DDX60: variants seen among roughly 807,000 people sequenced by gnomAD.
DDX60 encodes probable ATP-dependent RNA helicase DDX60.
In DDX60, 165 loss-of-function variants were observed where a neutral mutation model predicts 212.8. That is an observed-to-expected ratio of 0.78 (90% CI 0.68 to 0.88). The LOEUF is 0.88. Ranked by LOEUF, DDX60 falls within the 40% of genes least tolerant of loss-of-function variation. The pLI is 0.00. For synonymous variants in DDX60, 703 were observed against 685.3 expected, an observed-to-expected ratio of 1.03 and a Z score of -0.40; for missense variants, 1,905 against 2,003.9, an observed-to-expected ratio of 0.95 and a Z score of 0.94.
In DDX60 at chr4:168,246,630, A is replaced by G. The variant is rs1440120638; in HGVS notation, c.3964-12T>C. 1.2e-6 allele frequency: 2 copies of G among 1,613,470 alleles called. No homozygotes were observed. The highest frequency in any genetic ancestry group is 2.2e-5 in the East Asian group (1 of 44,860). On this transcript the variant is annotated splice_polypyrimidine_tract_variant and intron_variant, in intron 29 of 37. Transcript: ENST00000393743. ...GCACGGCCAGACATCTGAAAAGAGA[A>G]TAGAATTACAATGTAAAACTTCCCT... is the stretch of plus-strand genomic sequence containing the variant.
rs186564603 is a variant in DDX60, at chr4:168,291,768, T to C, written c.1021A>G (p.Met341Val). 6.3e-7 allele frequency: 1 copy of C among 1,595,258 alleles called. No homozygotes were observed. Among genetic ancestry groups the C allele is most frequent in the South Asian group, 1.1e-5 (1 of 87,398 alleles). Residue 341 changes from methionine (M) to valine (V), a missense_variant, in exon 8 of 38, where the codon ATG becomes GTG. Met to Val is a conservative substitution (Grantham distance 21). Transcript: ENST00000393743. ...RVITSHWAEDMKPLLQMKKWC... is the reference protein window; with the variant it reads ...RVITSHWAEDVKPLLQMKKWC... ...TTTACCATTTGTAATAAAGGCTTCA[T>C]GTCCTCAGCCCAATGGGAAGTGATG... is the stretch of plus-strand genomic sequence containing the variant.
chr4:168,308,959 A>G (rs569766667), intron 3 of DDX60, among the ~76,000 whole-genome samples: 18 of 152,244 alleles, frequency 1.2e-4, no homozygotes, highest in African/African-American at 4.3e-4. Flanking sequence ...ATCTATTGTA[A>G]AAGTTAAAAA....
At chr4:168,305,557 T>G (rs1237733457) in intron 5 of DDX60, among the ~76,000 whole-genome samples, 1 of 149,952 alleles carries the variant, frequency 6.7e-6, no homozygotes, top group East Asian at 1.9e-4. Flanking sequence ...ATTTTATTAA[T>G]TTACTATATG....
At chr4:168,300,755 C>T (rs1736615434) in intron 6 of DDX60, among the ~76,000 whole-genome samples, 1 of 152,074 alleles carries the variant, frequency 6.6e-6, no homozygotes, top group Admixed American at 6.6e-5. Context: ...ATAACATAAC[C>T]ACACCAAAGG....
At chr4:168,219,007 G>A (rs1376034175) in intron 37 of DDX60, among the ~76,000 whole-genome samples, 7 of 152,052 alleles carry the variant, frequency 4.6e-5, no homozygotes, top group South Asian at 4.2e-4. Flanking sequence ...TTGGCCAGGC[G>A]CAGTGGTTCT....
chr4:168,278,480 A>G (rs1579039966), intron 14 of DDX60, among the ~76,000 whole-genome samples: 2 of 152,360 alleles, frequency 1.3e-5, no homozygotes, highest in East Asian at 3.9e-4. Context: ...TTCTTCAAAT[A>G]TAGGATGGTT....
chr4:168,297,117 G>T (rs1736378893), intron 6 of DDX60, among the ~76,000 whole-genome samples: 1 of 151,798 alleles, frequency 6.6e-6, no homozygotes, highest in Admixed American at 6.6e-5. Context: ...CACCATGATG[G>T]TGAGAATGGT....
rs372799055 is a variant in DDX60, at chr4:168,216,999, G to T, written c.5073C>A (p.Asp1691Glu). ...VSLRELCENE[D>E]DNVVLAFEQL... is the part of the protein sequence containing the mutation. ...GTTCAAAGGCTAAGACAACGTTGTCGTCTTCATTTTCACATAGCTCACGCA... is the reference window on the plus strand; with the variant it reads ...GTTCAAAGGCTAAGACAACGTTGTCTTCTTCATTTTCACATAGCTCACGCA... The change falls in exon 38 of 38, where the codon GAC (aspartate) becomes GAA (glutamate). Residue 1691 changes from aspartate (D) to glutamate (E), a missense_variant. Physicochemically the swap from Asp to Glu is conservative, Grantham distance 45. Coordinates refer to ENST00000393743, the MANE Select transcript of DDX60 (RefSeq NM_017631.6). The T allele has an allele frequency of 2.7e-5, 43 of 1,605,056 alleles. No individual in the cohort carries two copies. Among genetic ancestry groups the T allele is most frequent in the Non-Finnish European group, 3.7e-5 (43 of 1,177,340 alleles).
Position 168,221,814 on chromosome 4 carries a change from T to C in DDX60, c.4892A>G (p.Asn1631Ser). Residue 1631 changes from asparagine to serine, a missense_variant, in exon 36 of 38, where the codon AAC (asparagine) becomes AGC (serine). By Grantham distance (46) the Asn-to-Ser change is conservative. Coordinates refer to ENST00000393743, the MANE Select transcript of DDX60 (RefSeq NM_017631.6). ...APVLLSQKFD[N>S]RGRKMSLNAY... is the part of the protein sequence containing the mutation. ...ATTAAGCGACATTTTCCTTCCTCGG[T>C]TATCAAATTTCTGTGACAACAGCAC... 5.6e-6 allele frequency: 9 copies of C among 1,613,348 alleles called. No homozygotes were observed. The highest frequency in any genetic ancestry group is 7.6e-6 in the Non-Finnish European group (9 of 1,179,574).
intron 30 of DDX60, among the ~76,000 whole-genome samples, chr4:168,241,693 G>C (rs750811849): frequency 5.3e-5 from 8 of 152,132 alleles, no homozygotes; most frequent in Admixed American, 5.2e-4. Flanking sequence ...AAGGCATTCC[G>C]TTTTATAAGG....
At position 168,300,338 on chromosome 4, in the gene DDX60, A is replaced by C. The variant is rs113253835; in HGVS notation, c.723+1962T>G. Among the ~76,000 whole-genome samples, 1,131 of 152,198 alleles carry C rather than the reference A, an allele frequency of 7.4e-3. 14 individuals are homozygous for C. Among genetic ancestry groups the C allele is most frequent in the African/African-American group, 0.026 (1,077 of 41,516 alleles). On this transcript the variant is annotated intron_variant, in intron 6 of 37. Coordinates refer to ENST00000393743, the MANE Select transcript of DDX60 (RefSeq NM_017631.6). ...GGGCAGATCACGAGTTCAGTAGTTCAAGACCAGCCTGGCCAACATGGTGAA... is the reference window on the plus strand; with the variant it reads ...GGGCAGATCACGAGTTCAGTAGTTCCAGACCAGCCTGGCCAACATGGTGAA...
intron 7 of DDX60, among the ~76,000 whole-genome samples, chr4:168,293,559 T>A (rs1736203760): frequency 6.6e-6 from 1 of 152,172 alleles, no homozygotes; most frequent in African/African-American, 2.4e-5. Flanking sequence ...TTTGGATGAT[T>A]TAGACTAAAT....
At chr4:168,317,333 C>T (rs1332552318) in intron 1 of DDX60, among the ~76,000 whole-genome samples, 4 of 151,988 alleles carry the variant, frequency 2.6e-5, no homozygotes, top group African/African-American at 9.7e-5. Context: ...AAGGCTTATC[C>T]TCCAATCACA....
At chr4:168,247,620 A>G (rs888253237) in intron 29 of DDX60, among the ~76,000 whole-genome samples, 1 of 152,198 alleles carries the variant, frequency 6.6e-6, no homozygotes, top group Admixed American at 6.5e-5. Flanking sequence ...AGGACGTGGT[A>G]GAATAAGGAG....
chr4:168,298,561 T>A (rs768207342), intron 6 of DDX60, among the ~76,000 whole-genome samples: 1 of 152,052 alleles, frequency 6.6e-6, no homozygotes, highest in Non-Finnish European at 1.5e-5. Flanking sequence ...TGAAAAATTA[T>A]CCAACATATG....
intron 22 of DDX60, among the ~76,000 whole-genome samples, chr4:168,264,837 A>G (rs867333605): frequency 1.3e-5 from 2 of 152,336 alleles, no homozygotes; most frequent in Middle Eastern, 3.4e-3. Flanking sequence ...CACAGTGACT[A>G]ATGATCCTGC....
At chr4:168,254,024 A>G (rs1220750882) in intron 26 of DDX60, among the ~76,000 whole-genome samples, 1 of 152,248 alleles carries the variant, frequency 6.6e-6, no homozygotes, top group Admixed American at 6.5e-5. Context: ...CGCTCTGACT[A>G]TGGAAGGGCC....
intron 26 of DDX60, among the ~76,000 whole-genome samples, chr4:168,254,767 G>A (rs1276596453): frequency 6.6e-6 from 1 of 152,140 alleles, no homozygotes; most frequent in African/African-American, 2.4e-5. Context: ...ACCAAAAAGG[G>A]AGCAATCAGG....
chr4:168,285,958 A>AGG (rs1277231004), intron 10 of DDX60, among the ~76,000 whole-genome samples: 24 of 119,030 alleles, frequency 2.0e-4, no homozygotes, highest in African/African-American at 7.7e-4. Context: ...GGAGGGAGGG[A>AGG]AAGGAAAGAA....
Sources: allele counts gnomAD v4.1 joint callset (sites outside exome capture counted in the v4.1 genomes callset), GRCh38; gene constraint gnomAD v4.1.1; transcripts MANE v1.5; gene names NCBI Gene and HGNC (gene_info 2026-07-23, HGNC 2026-07-21).